The following PCNX4 variants were observed in gnomAD, a reference collection of about 807,000 sequenced individuals.
PCNX4 encodes the protein pecanex 4.
A neutral mutation model predicts 107.2 loss-of-function variants in PCNX4; 103 were observed. The observed-to-expected ratio is 0.96, with a 90% CI of 0.82 to 1.13. The LOEUF (loss-of-function observed/expected upper bound fraction) is 1.13, where lower values mean the gene tolerates loss of function less well. Among genes scored for constraint, PCNX4 ranks in the 50% most tolerant of loss-of-function variants. The pLI, the probability that PCNX4 is intolerant of heterozygous loss-of-function variation, is 0.00. For synonymous variants in PCNX4, 541 were observed against 481.7 expected (o/e 1.12, Z -1.61); for missense variants, 1,528 against 1,379.4 (o/e 1.11, Z -1.71).
Position 60,144,589 on chromosome 14 carries a change from G to A in PCNX4, c.*10368G>A. 1 of 217,478 alleles carries A rather than the reference G, an allele frequency of 4.6e-6. No individual in the cohort carries two copies. The highest frequency in any genetic ancestry group is 6.8e-5 in the South Asian group (1 of 14,656). 13.5% of individuals were successfully genotyped at this position (217,478 alleles called of 1,614,324 possible). On this transcript the variant is annotated 3_prime_UTR_variant, in exon 11 of 11. Coordinates refer to ENST00000406854, the MANE Select transcript of PCNX4 (RefSeq NM_001330177.2). ...AGACACTAATTCTGCTGGTGCATTG[G>A]TCTTGGAATTCCCAGCCTCAAGAGC...
At chr14:60,121,350 A>C in intron 8 of PCNX4, 51 bp downstream of exon 8, 1 of 1,571,820 alleles carries the variant, frequency 6.4e-7, no homozygotes, top group Non-Finnish European at 8.7e-7. Context: ...CATGTGTAAA[A>C]TTTTACCTGT....
intron 10 of PCNX4, among the ~76,000 whole-genome samples, chr14:60,128,275 C>T (rs1173811971): frequency 2.0e-5 from 3 of 152,072 alleles, no homozygotes; most frequent in East Asian, 3.8e-4. Context: ...CAAAGAGATC[C>T]GCAGGCAAAT....
Position 60,146,040 on chromosome 14 carries a change from A to G in PCNX4, c.*11819A>G, listed in dbSNP as rs1896398126. 1 of 150,062 alleles carries G rather than the reference A, an allele frequency of 6.7e-6. No homozygotes were observed. Among genetic ancestry groups the G allele is most frequent in the Non-Finnish European group, 1.5e-5 (1 of 67,584 alleles). 9.3% of individuals were successfully genotyped at this position (150,062 alleles called of 1,614,324 possible). A position where few individuals can be genotyped will look rare whatever the true frequency, so the allele number is the denominator to read the frequency against. On this transcript the variant is annotated 3_prime_UTR_variant, in exon 11 of 11. Transcript: ENST00000406854. The surrounding 1 kb of genome is among the most constrained non-coding windows in gnomAD (Gnocchi z 4.9). ...TTATATATATACATATATATAAAAT[A>G]TAAAATAGTGGGAGAGAGGAAGAGT... is the stretch of plus-strand genomic sequence containing the variant.
intron 8 of PCNX4, 131 bp downstream of exon 8, chr14:60,121,430 T>C (rs1895953793): frequency 1.0e-6 from 1 of 956,860 alleles, no homozygotes; most frequent in East Asian, 2.7e-5. Flanking sequence ...CACCTAGGGA[T>C]TTTTAAAGTA....
chr14:60,128,209 TATTGTAA>T (rs1566520465), intron 10 of PCNX4, among the ~76,000 whole-genome samples: 1 of 152,198 alleles, frequency 6.6e-6, no homozygotes, highest in African/African-American at 2.4e-5. Context: ...TTCTTAAATT[TATTGTAA>T]AACATTAATC....
At chr14:60,118,114 A>C (rs1293288803) in intron 6 of PCNX4, among the ~76,000 whole-genome samples, 1 of 135,302 alleles carries the variant, frequency 7.4e-6, no homozygotes, top group Non-Finnish European at 1.5e-5. Flanking sequence ...CTTTAGTGTT[A>C]CTGTTTTTTT....
chr14:60,127,971 G>A (rs151312597), intron 10 of PCNX4, among the ~76,000 whole-genome samples: 1 of 152,144 alleles, frequency 6.6e-6, no homozygotes, highest in East Asian at 1.9e-4. Flanking sequence ...CCACTAGAGG[G>A]GCTCAACAGT....
rs376920408 is a variant in PCNX4 at position 60,134,342 on chromosome 14, G to C, written c.*121G>C. On this transcript the variant is annotated 3_prime_UTR_variant, in exon 11 of 11. Transcript: ENST00000406854. The stretch of plus-strand genomic sequence containing the variant: ...ACCCCCATTCAGATGCCTGAGAACA[G>C]CTAAGCTCCGTAAAGTTGGTTCTCT... 8.1e-7 allele frequency: 1 copy of C among 1,238,696 alleles called. No individual in the cohort carries two copies. Among genetic ancestry groups the C allele is most frequent in the Non-Finnish European group, 1.1e-6 (1 of 891,454 alleles). 76.7% of individuals were successfully genotyped at this position (1,238,696 alleles called of 1,614,324 possible).
In PCNX4 at chr14:60,121,181, T is replaced by TG; in HGVS notation, c.1943-15_1943-14insG. 3 of 1,523,412 alleles carry TG rather than the reference T, an allele frequency of 2.0e-6. No individual in the cohort carries two copies. The highest frequency in any genetic ancestry group is 2.6e-6 in the Non-Finnish European group (3 of 1,139,276). 94.4% of individuals were successfully genotyped at this position (1,523,412 alleles called of 1,614,324 possible). On this transcript the variant is annotated splice_polypyrimidine_tract_variant and intron_variant, in intron 7 of 10. Coordinates refer to ENST00000406854, the MANE Select transcript of PCNX4 (RefSeq NM_001330177.2). ...ATTTTCTTTTTTTTTTTTTTTTTTT[T>TG]CTAATTTGTTGTAGGTCTCCTCCTA...
In PCNX4 at chr14:60,136,500, A is replaced by C. The variant is rs1427625126; in HGVS notation, c.*2279A>C. 1 of 152,200 alleles carries C rather than the reference A, an allele frequency of 6.6e-6. No homozygotes were observed. Among genetic ancestry groups the C allele is most frequent in the Non-Finnish European group, 1.5e-5 (1 of 68,028 alleles). 9.4% of individuals were successfully genotyped at this position (152,200 alleles called of 1,614,324 possible). A position where few individuals can be genotyped will look rare whatever the true frequency, so the allele number is the denominator to read the frequency against. On this transcript the variant is annotated 3_prime_UTR_variant, in exon 11 of 11. Coordinates refer to ENST00000406854, the MANE Select transcript of PCNX4 (RefSeq NM_001330177.2). ...TATATATCACTTATTTGGTATCTTC[A>C]CTTGGTATATTAAAAACTGACTGTT...
Position 60,125,801 on chromosome 14 carries a change from C to G in PCNX4, c.3245C>G (p.Ser1082Cys), listed in dbSNP as rs141434749. The G allele has an allele frequency of 6.2e-6, 10 of 1,607,484 alleles. No homozygotes were observed. The African/African-American group carries it at 1.3e-4, about 22-fold the overall frequency. ...TTACAAGAAAAGCCATACTTGTTTT[C>G]TCTGGGGTATGATTCTAATATGGTA... ...AILQEKPYLF[S>C]LGYDSNMGIY... The change falls in exon 10 of 11, where the codon TCT becomes TGT. Residue 1082 changes from serine (S) to cysteine (C), a missense_variant. By Grantham distance (112) the Ser-to-Cys change is moderately radical. Transcript: ENST00000406854.
In PCNX4 at chr14:60,115,774, C is replaced by T. The variant is rs373636094; in HGVS notation, c.1413C>T (p.Leu471=). 6 of 1,613,220 alleles carry T rather than the reference C, an allele frequency of 3.7e-6. No homozygotes were observed. In the African/African-American group the frequency reaches 8.0e-5, roughly 22 times the overall value. Residue 471 remains leucine (L), a synonymous_variant, in exon 5 of 11, where the codon CTC becomes CTT. Coordinates refer to ENST00000406854, the MANE Select transcript of PCNX4 (RefSeq NM_001330177.2). The part of the protein sequence containing the change: ...FLSLDSSLQG[L]HSVSVCIGFT... ...CATTGGACAGTTCCTTACAAGGGCT[C>T]CACTCAGTGTCTGTCTGTATTGGAT...
chr14:60,117,873 G>A (rs1255016897), intron 6 of PCNX4, among the ~76,000 whole-genome samples: 1 of 151,832 alleles, frequency 6.6e-6, no homozygotes, highest in Non-Finnish European at 1.5e-5. Context: ...AATGTTTTGT[G>A]GTATGTAATA....
chr14:60,111,187 C>T (rs1221638744), intron 2 of PCNX4: 1 of 152,376 alleles, frequency 6.6e-6, no homozygotes, highest in East Asian at 1.9e-4. Context: ...TTATGGCAGC[C>T]CAAGCTGATT....
In PCNX4 at chr14:60,124,116, C is replaced by T. The variant is rs1896002884; in HGVS notation, c.2047-102C>T. On this transcript the variant is annotated intron_variant, in intron 8 of 10. Coordinates refer to ENST00000406854, the MANE Select transcript of PCNX4 (RefSeq NM_001330177.2). Reference sequence around the variant, plus strand: ...TTAAAGAAATTGTTTTTGTCATTTTCCATATTTTTGTGATGAGAATCTATG... The same window carrying T: ...TTAAAGAAATTGTTTTTGTCATTTTTCATATTTTTGTGATGAGAATCTATG... The T allele has an allele frequency of 5.2e-5, 50 of 965,330 alleles. No individual in the cohort carries two copies. The South Asian group carries it at 1.0e-3, about 20-fold the overall frequency. The allele number at this position is 965,330 out of a possible 1,614,324, so 59.8% of individuals were successfully genotyped here. A position where few individuals can be genotyped will look rare whatever the true frequency, so the allele number is the denominator to read the frequency against.
In PCNX4 at chr14:60,107,531, A is replaced by G. The variant is rs577960891; in HGVS notation, c.-53-55A>G. 6.1e-6 allele frequency: 6 copies of G among 980,000 alleles called. No individual in the cohort carries two copies. The Admixed American group carries it at 1.7e-4, about 28-fold the overall frequency. 60.7% of individuals were successfully genotyped at this position (980,000 alleles called of 1,614,324 possible). A position where few individuals can be genotyped will look rare whatever the true frequency, so the allele number is the denominator to read the frequency against. On this transcript the variant is annotated intron_variant, in intron 1 of 10. Coordinates refer to ENST00000406854, the MANE Select transcript of PCNX4 (RefSeq NM_001330177.2). ...AAATAGTAATGTGAGGTTTTTCCTC[A>G]TAGGTTTTAAATGACATTTTCAAAC...
rs1182086685 is a variant in PCNX4, at chr14:60,146,533, G to T, written c.*12312G>T. The T allele has an allele frequency of 1.3e-5, 2 of 152,116 alleles. No individual in the cohort carries two copies. The highest frequency in any genetic ancestry group is 4.8e-5 in the African/African-American group (2 of 41,418). 9.4% of individuals were successfully genotyped at this position (152,116 alleles called of 1,614,324 possible). On this transcript the variant is annotated 3_prime_UTR_variant, in exon 11 of 11. Coordinates refer to ENST00000406854, the MANE Select transcript of PCNX4 (RefSeq NM_001330177.2). The surrounding 1 kb of genome is among the most constrained non-coding windows in gnomAD (Gnocchi z 4.9). ...TCTGATCCAGCAATTCCACTTAAGG[G>T]TATAAATCTAAAGGAAGTGAAATCA...
chr14:60,130,979 A>G (rs1376766980), intron 10 of PCNX4, among the ~76,000 whole-genome samples: 1 of 152,086 alleles, frequency 6.6e-6, no homozygotes, highest in Non-Finnish European at 1.5e-5. Flanking sequence ...ATGGAGCCCC[A>G]TGATGGGATT....
chr14:60,133,150 T>G (rs1896184762), intron 10 of PCNX4, among the ~76,000 whole-genome samples: 1 of 152,236 alleles, frequency 6.6e-6, no homozygotes, highest in African/African-American at 2.4e-5. Flanking sequence ...CATGAATGTT[T>G]ATAGCAACAT....
Sources: gnomAD v4.1 joint callset for allele counts (sites outside exome capture counted in the v4.1 genomes callset) on GRCh38, gnomAD v4.1.1 for gene constraint, Gnocchi (gnomAD v3.1) non-coding constraint, MANE v1.5 for transcripts, NCBI Gene and HGNC (gene_info 2026-07-23, HGNC 2026-07-21) for gene names.